Variants in AP2M1 observed in about 807,000 individuals in gnomAD.
AP2M1 encodes adaptor related protein complex 2 subunit mu 1.
Under a neutral mutation model 54.5 loss-of-function variants are expected in AP2M1, and 5 were observed. That is an observed-to-expected ratio of 0.09 (90% confidence interval 0.05 to 0.19). The LOEUF (loss-of-function observed/expected upper bound fraction) is 0.19, where lower values mean the gene tolerates loss of function less well. AP2M1 is among the 10% of genes least tolerant of loss of function. AP2M1 has a pLI of 1.00. For synonymous variants in AP2M1, 186 were observed against 208.2 expected (o/e 0.89, Z 0.92); for missense variants, 178 against 580.2 (o/e 0.31, Z 7.12).
In AP2M1 at chr3:184,180,531, A is replaced by C. The variant is rs1715238399; in HGVS notation, c.424-114A>C. ...CTGGTCTTGAGGCCTGGTATTCCTCAGGAGGAGCGAGCTTGGGCCCTCTCC... is the reference window on the plus strand; with the variant it reads ...CTGGTCTTGAGGCCTGGTATTCCTCCGGAGGAGCGAGCTTGGGCCCTCTCC... On this transcript the variant is annotated intron_variant, in intron 4 of 11. Coordinates refer to ENST00000292807, the MANE Select transcript of AP2M1 (RefSeq NM_004068.4). The surrounding 1 kb of genome is among the most constrained non-coding windows in gnomAD (Gnocchi z 4.9). The C allele has an allele frequency of 1.3e-6, 2 of 1,532,206 alleles. No homozygotes were observed. Among genetic ancestry groups the C allele is most frequent in the African/African-American group, 2.7e-5 (2 of 72,954 alleles). 94.9% of individuals were successfully genotyped at this position (1,532,206 alleles called of 1,614,324 possible).
rs753312758 is a variant in AP2M1, at chr3:184,176,986, C to T, written c.-8C>T. On this transcript the variant is annotated 5_prime_UTR_variant, in exon 2 of 12. Transcript: ENST00000292807. The stretch of plus-strand genomic sequence containing the variant: ...AGAGCGATGGGCCGCGGAGACTGAT[C>T]TGCCGCCATGATTGGAGGCTTATTC... 128 of 1,613,550 alleles carry T rather than the reference C, an allele frequency of 7.9e-5. No individual in the cohort carries two copies. Among genetic ancestry groups the T allele is most frequent in the Non-Finnish European group, 1.0e-4 (123 of 1,179,822 alleles).
Position 184,177,073 on chromosome 3 carries a change from T to A in AP2M1, c.74+6T>A, listed in dbSNP as rs2109028371. On this transcript the variant is annotated splice_donor_region_variant and intron_variant, in intron 2 of 11. Coordinates refer to ENST00000292807, the MANE Select transcript of AP2M1 (RefSeq NM_004068.4). ...GTCTACCGAGATGACATCGGGTGAG[T>A]CCCCTGGCGGAGCCAGCTGTGCCCC... The A allele has an allele frequency of 6.2e-7, 1 of 1,612,470 alleles. No individual in the cohort carries two copies. The highest frequency in any genetic ancestry group is 2.2e-5 in the East Asian group (1 of 44,848).
At position 184,180,220 on chromosome 3, in the gene AP2M1, C is replaced by T; in HGVS notation, c.392C>T (p.Thr131Ile). 1 of 1,614,176 alleles carries T rather than the reference C, an allele frequency of 6.2e-7. No homozygotes were observed. The highest frequency in any genetic ancestry group is 8.5e-7 in the Non-Finnish European group (1 of 1,180,040). ...AATTCCGAGACAGGCGCGCTGAAAA[C>T]CTTCATCACGCAGCAGGGCATCAAG... ...PQNSETGALKTFITQQGIKSQ... is the reference protein window; with the variant it reads ...PQNSETGALKIFITQQGIKSQ... Residue 131 changes from threonine (T) to isoleucine (I), a missense_variant, in exon 4 of 12, where the codon ACC becomes ATC. This residue lies in a region of AP2M1 where 115 missense variants were observed against 331.2 expected (regional missense o/e 0.35). Coordinates refer to ENST00000292807, the MANE Select transcript of AP2M1 (RefSeq NM_004068.4). This position sits in a 1 kb window ranked among gnomAD's most constrained non-coding sequence, Gnocchi z 4.9.
chr3:184,180,590 T>C lies in AP2M1; in HGVS notation c.424-55T>C, dbSNP rs1715241331. On this transcript the variant is annotated intron_variant, in intron 4 of 11. Transcript: ENST00000292807. This position sits in a 1 kb window ranked among gnomAD's most constrained non-coding sequence, Gnocchi z 4.9. The stretch of plus-strand genomic sequence containing the variant: ...CCAAGCCTCATAGCTTTCTCCTCCT[T>C]TTCTGCCTCCCTTGCTGCTTCATGT... 1.2e-6 allele frequency: 2 copies of C among 1,612,682 alleles called. No individual in the cohort carries two copies.
chr3:184,179,726 T>C (rs549896113), intron 3 of AP2M1, among the ~76,000 whole-genome samples: 1 of 149,958 alleles, frequency 6.7e-6, no homozygotes, highest in African/African-American at 2.5e-5. Context: ...AGTGGTGCAA[T>C]TGCAGCTTAC....
intron 2 of AP2M1, chr3:184,177,709 C>A: frequency 2.6e-6 from 3 of 1,146,618 alleles, no homozygotes; most frequent in South Asian, 1.4e-5. Flanking sequence ...TCACACAGAG[C>A]CACAGCCTGC....
chr3:184,182,877 G>A lies in AP2M1; in HGVS notation c.1173+9G>A, dbSNP rs1183748658. The A allele has an allele frequency of 6.2e-7, 1 of 1,610,794 alleles. No homozygotes were observed. The highest frequency in any genetic ancestry group is 1.1e-5 in the South Asian group (1 of 90,858). ...TTTCCATGAACTTTGAGGTATGGCA[G>A]AGGAGGGGCCTAGAGTCATGCCAGG... On this transcript the variant is annotated intron_variant, in intron 11 of 11. Transcript: ENST00000292807. This position sits in a 1 kb window ranked among gnomAD's most constrained non-coding sequence, Gnocchi z 5.5.
Position 184,178,947 on chromosome 3 carries a change from C to T in AP2M1, c.165C>T (p.Phe55=). Residue 55 remains phenylalanine, a synonymous_variant, in exon 3 of 12, where the codon TTC becomes TTT. Transcript: ENST00000292807. This position sits in a 1 kb window ranked among gnomAD's most constrained non-coding sequence, Gnocchi z 4.9. ...TCACCAACATTGCTCGCACCAGCTT[C>T]TTCCACGTTAAGCGGTCCAACATTT... The part of the protein sequence containing the change: ...SPVTNIARTS[F]FHVKRSNIWL... 1.9e-6 allele frequency: 3 copies of T among 1,614,226 alleles called. No individual in the cohort carries two copies. The highest frequency in any genetic ancestry group is 2.5e-6 in the Non-Finnish European group (3 of 1,180,042).
In AP2M1 at chr3:184,175,183, G is replaced by T. The variant is rs1011533812; in HGVS notation, c.-44+224G>T. The T allele has an allele frequency of 2.0e-5, 8 of 391,910 alleles. No homozygotes were observed. The Admixed American group carries it at 3.6e-4, about 17-fold the overall frequency. The allele number at this position is 391,910 out of a possible 1,614,324, so 24.3% of individuals were successfully genotyped here. On this transcript the variant is annotated intron_variant, in intron 1 of 11. Transcript: ENST00000292807. The stretch of plus-strand genomic sequence containing the variant: ...GTGCCCTCCACCTGACCCGCCTGGC[G>T]CCTCCCATGAGAGGGATACCGCTTG...
intron 1 of AP2M1, 103 bp downstream of exon 1, chr3:184,175,062 C>A: frequency 2.5e-6 from 1 of 397,256 alleles, no homozygotes; most frequent in Non-Finnish European, 4.4e-6. Flanking sequence ...CGGAAAGCTG[C>A]CCACACCCGG....
rs769652793 is a variant in AP2M1 at position 184,180,781 on chromosome 3, GA to G, written c.430-67del. 4 of 1,614,162 alleles carry G rather than the reference GA, an allele frequency of 2.5e-6. No individual in the cohort carries two copies. The highest frequency in any genetic ancestry group is 2.2e-5 in the East Asian group (1 of 44,886). On this transcript the variant is annotated intron_variant, in intron 5 of 11. Coordinates refer to ENST00000292807, the MANE Select transcript of AP2M1 (RefSeq NM_004068.4). This position sits in a 1 kb window ranked among gnomAD's most constrained non-coding sequence, Gnocchi z 4.9. ...GGATGGGGAATGAGGGTGGAGTGGG[GA>G]TAGAGACAGGATGATTAAAGGGACA...
rs1357209515 is a variant in AP2M1 at position 184,174,930 on chromosome 3, G to C, written c.-73G>C. On this transcript the variant is annotated 5_prime_UTR_variant, in exon 1 of 12. Transcript: ENST00000292807. Reference sequence around the variant, plus strand: ...ATCTTGGGATCCGGAGAGTGGCCGGGCCGGCAGAGCAGGGGGCCGAGGACA... The same window carrying C: ...ATCTTGGGATCCGGAGAGTGGCCGGCCCGGCAGAGCAGGGGGCCGAGGACA... 2.5e-6 allele frequency: 1 copy of C among 398,510 alleles called. No homozygotes were observed. The highest frequency in any genetic ancestry group is 4.4e-5 in the Admixed American group (1 of 22,712). The allele number at this position is 398,510 out of a possible 1,614,324, so 24.7% of individuals were successfully genotyped here.
Position 184,182,112 on chromosome 3 carries a change from C to T in AP2M1, c.964-39C>T. ...CTAGGAATAAAGGTAGCTGATGTCA[C>T]AGCTTGACAGAGCTCCCTGACAGGT... On this transcript the variant is annotated intron_variant, in intron 9 of 11. Coordinates refer to ENST00000292807, the MANE Select transcript of AP2M1 (RefSeq NM_004068.4). This position sits in a 1 kb window ranked among gnomAD's most constrained non-coding sequence, Gnocchi z 5.5. 4 of 1,612,190 alleles carry T rather than the reference C, an allele frequency of 2.5e-6. 1 individual carries two copies. The African/African-American group carries it at 5.3e-5, about 21-fold the overall frequency.
At position 184,183,064 on chromosome 3, in the gene AP2M1, T is replaced by C; in HGVS notation, c.1173+196T>C. Reference sequence around the variant, plus strand: ...ACTATTTGTGATGAGGCAAATCTTTTACTTCTCTCGGCTTGTCCTAACACA... The same window carrying C: ...ACTATTTGTGATGAGGCAAATCTTTCACTTCTCTCGGCTTGTCCTAACACA... On this transcript the variant is annotated intron_variant, in intron 11 of 11. Transcript: ENST00000292807. The surrounding 1 kb of genome is among the most constrained non-coding windows in gnomAD (Gnocchi z 5.7). 1 of 648,266 alleles carries C rather than the reference T, an allele frequency of 1.5e-6. No individual in the cohort carries two copies. Among genetic ancestry groups the C allele is most frequent in the East Asian group, 2.8e-5 (1 of 35,638 alleles). The allele number at this position is 648,266 out of a possible 1,614,324, so 40.2% of individuals were successfully genotyped here.
chr3:184,177,006 T>C lies in AP2M1; in HGVS notation c.13T>C (p.Leu5=). ...CTGATCTGCCGCCATGATTGGAGGC[T>C]TATTCATCTATAATCACAAGGGGGA... MIGG[L]FIYNHKGEVL... The change falls in exon 2 of 12, where the codon TTA becomes CTA. Residue 5 remains leucine, a synonymous_variant. Transcript: ENST00000292807. The C allele has an allele frequency of 1.2e-6, 2 of 1,613,890 alleles. No homozygotes were observed. Among genetic ancestry groups the C allele is most frequent in the South Asian group, 1.1e-5 (1 of 91,074 alleles).
At position 184,179,477 on chromosome 3, in the gene AP2M1, G is replaced by A. The variant is rs111440487; in HGVS notation, c.340+355G>A. 275 of 289,230 alleles carry A rather than the reference G, an allele frequency of 9.5e-4. 1 individual carries two copies. The highest frequency in any genetic ancestry group is 5.7e-3 in the African/African-American group (261 of 46,106). 17.9% of individuals were successfully genotyped at this position (289,230 alleles called of 1,614,324 possible). A position where few individuals can be genotyped will look rare whatever the true frequency, so the allele number is the denominator to read the frequency against. The stretch of plus-strand genomic sequence containing the variant: ...TTTCCATCTCAGCAGCTGCTTCAGA[G>A]CCTGGGGGAGAGTGAGATATTACAA... On this transcript the variant is annotated intron_variant, in intron 3 of 11. Coordinates refer to ENST00000292807, the MANE Select transcript of AP2M1 (RefSeq NM_004068.4).
rs1421016186 is a variant in AP2M1, at chr3:184,180,422, G to A, written c.423+171G>A. Reference sequence around the variant, plus strand: ...TTTTGCTCTGTGTGGTCCTCCCACTGCAGGAGCAGCCAATTCAGCATCTCT... The same window carrying A: ...TTTTGCTCTGTGTGGTCCTCCCACTACAGGAGCAGCCAATTCAGCATCTCT... On this transcript the variant is annotated intron_variant, in intron 4 of 11. Coordinates refer to ENST00000292807, the MANE Select transcript of AP2M1 (RefSeq NM_004068.4). This position sits in a 1 kb window ranked among gnomAD's most constrained non-coding sequence, Gnocchi z 4.9. 2.3e-5 allele frequency: 24 copies of A among 1,041,040 alleles called. No homozygotes were observed. Among genetic ancestry groups the A allele is most frequent in the Non-Finnish European group, 3.4e-5 (24 of 716,020 alleles). The allele number at this position is 1,041,040 out of a possible 1,614,324, so 64.5% of individuals were successfully genotyped here.
At chr3:184,177,477 C>T (rs574439867) in intron 2 of AP2M1, 49 of 1,434,412 alleles carry the variant, frequency 3.4e-5, no homozygotes, top group South Asian at 1.6e-4. Context: ...CCATATCAAA[C>T]GCCTTCACTG....
intron 2 of AP2M1, chr3:184,177,624 C>T: frequency 6.5e-7 from 1 of 1,535,190 alleles, no homozygotes; most frequent in South Asian, 1.2e-5. Context: ...GAGGCACTCT[C>T]TGGGTCACTG....
Sources: gnomAD v4.1 joint callset for allele counts (sites outside exome capture counted in the v4.1 genomes callset) on GRCh38, gnomAD v4.1.1 for gene constraint, gnomAD v4.1.1 regional missense constraint, Gnocchi (gnomAD v3.1) non-coding constraint, MANE v1.5 for transcripts, NCBI Gene and HGNC (gene_info 2026-07-23, HGNC 2026-07-21) for gene names.